Variants in TTLL11 observed in about 807,000 individuals in gnomAD.
The protein encoded by TTLL11 is tubulin tyrosine ligase like 11, also known as tubulin polyglutamylase TTLL11.
TTLL11 carries 42 observed loss-of-function variants against 51.7 expected under a neutral mutation model. That is an observed-to-expected ratio of 0.81 (90% confidence interval 0.64 to 1.05). The LOEUF is 1.05. TTLL11 is among the 50% of genes least tolerant of loss of function. The probability of loss-of-function intolerance (pLI) is 0.00; values close to 1 mark genes in which losing one functional copy is unlikely to be tolerated. For missense variants in TTLL11, 799 were observed against 940.4 expected (o/e 0.85, Z 1.97); for synonymous variants, 381 against 383.5 (o/e 0.99, Z 0.08).
Position 122,058,812 on chromosome 9 carries a change from C to A in TTLL11, c.463-19444G>T, listed in dbSNP as rs534784425. ...CCTCTACTAAGTATTTAAGCAATACCTTTTAATTTACTTAATGAATTCAGA... is the reference window on the plus strand; with the variant it reads ...CCTCTACTAAGTATTTAAGCAATACATTTTAATTTACTTAATGAATTCAGA... On this transcript the variant is annotated intron_variant, in intron 1 of 8. Transcript: ENST00000321582. Among the ~76,000 whole-genome samples, 6 of 152,226 alleles carry A rather than the reference C, an allele frequency of 3.9e-5. No individual in the cohort carries two copies. In the South Asian group the frequency reaches 1.2e-3, roughly 32 times the overall value.
chr9:121,908,074 G>A (rs563628576), intron 6 of TTLL11, among the ~76,000 whole-genome samples: 15 of 152,306 alleles, frequency 9.8e-5, no homozygotes, highest in Non-Finnish European at 1.9e-4. Flanking sequence ...AGAAGGCTAT[G>A]TGGGTTCGAC....
At chr9:121,928,901 G>T (rs988897223) in intron 6 of TTLL11, among the ~76,000 whole-genome samples, 7 of 152,132 alleles carry the variant, frequency 4.6e-5, no homozygotes, top group African/African-American at 9.7e-5. Flanking sequence ...TTCATTTACA[G>T]TCATGATAGA....
At chr9:121,944,318 G>T (rs764193338) in intron 6 of TTLL11, among the ~76,000 whole-genome samples, 1 of 152,098 alleles carries the variant, frequency 6.6e-6, no homozygotes, top group Non-Finnish European at 1.5e-5. Flanking sequence ...GACCAGCCCG[G>T]CCAACATGAC....
At chr9:122,030,335 T>C (rs1321257925) in intron 3 of TTLL11, among the ~76,000 whole-genome samples, 1 of 152,042 alleles carries the variant, frequency 6.6e-6, no homozygotes, top group Non-Finnish European at 1.5e-5. Context: ...GCAATGTATA[T>C]AAACCCATGT....
chr9:121,974,773 T>C, intron 5 of TTLL11, 111 bp downstream of exon 5: 1 of 838,032 alleles, frequency 1.2e-6, no homozygotes, highest in Non-Finnish European at 1.9e-6. Flanking sequence ...GAACAGAATT[T>C]GGCTATGAAA....
At chr9:121,835,301 G>A (rs147432881) in intron 8 of TTLL11, among the ~76,000 whole-genome samples, 1,620 of 152,262 alleles carry the variant, frequency 0.011, 8 homozygotes, top group Non-Finnish European at 0.017. Context: ...GTTAGAGAAA[G>A]TGCTGAGCTC....
chr9:122,090,224 C>A (rs909269105), intron 1 of TTLL11, among the ~76,000 whole-genome samples: 2 of 152,044 alleles, frequency 1.3e-5, no homozygotes, highest in Non-Finnish European at 2.9e-5. Flanking sequence ...GCTCTGTCCA[C>A]CCCTACTTTA....
intron 6 of TTLL11, among the ~76,000 whole-genome samples, chr9:121,962,350 G>A (rs2131628706): frequency 1.3e-5 from 2 of 152,188 alleles, no homozygotes; most frequent in East Asian, 3.9e-4. Context: ...GAACTATGAT[G>A]GGTGGTCCTG....
intron 1 of TTLL11, among the ~76,000 whole-genome samples, chr9:122,076,485 A>G (rs1318257669): frequency 2.0e-5 from 3 of 152,232 alleles, no homozygotes; most frequent in Non-Finnish European, 4.4e-5. Context: ...AATAAAAGGA[A>G]TAAGTCTCTG....
intron 3 of TTLL11, among the ~76,000 whole-genome samples, chr9:122,011,730 T>A (rs114116640): frequency 6.6e-6 from 1 of 152,186 alleles, no homozygotes; most frequent in Non-Finnish European, 1.5e-5. Flanking sequence ...ATGGAGGATA[T>A]GTAGAAATTA....
chr9:122,082,207 T>TA (rs1425055458), intron 1 of TTLL11, among the ~76,000 whole-genome samples: 3 of 152,172 alleles, frequency 2.0e-5, no homozygotes, highest in Non-Finnish European at 4.4e-5. Flanking sequence ...AATACACACT[T>TA]AAAATGTCTG....
At position 121,989,583 on chromosome 9, in the gene TTLL11, A is replaced by G; in HGVS notation, c.881T>C (p.Leu294Pro). 6.2e-7 allele frequency: 1 copy of G among 1,614,022 alleles called. No individual in the cohort carries two copies. The highest frequency in any genetic ancestry group is 8.5e-7 in the Non-Finnish European group (1 of 1,180,014). Residue 294 changes from leucine (L) to proline (P), a missense_variant, in exon 4 of 9, where the codon CTC (leucine) becomes CCC (proline). Coordinates refer to ENST00000321582, the MANE Select transcript of TTLL11 (RefSeq NM_001139442.2). The surrounding 1 kb of genome is among the most constrained non-coding windows in gnomAD (Gnocchi z 4.2). Reference protein sequence around the residue: ...YICKPLLIDKLKFDIRLYVLL... With the variant: ...YICKPLLIDKPKFDIRLYVLL... ...GACATACAGACGAATATCAAACTTG[A>G]GCTTGTCGATAAGGAGAGGTTTGCA...
intron 8 of TTLL11, among the ~76,000 whole-genome samples, chr9:121,828,942 G>A (rs996630837): frequency 6.6e-6 from 1 of 151,924 alleles, no homozygotes; most frequent in Non-Finnish European, 1.5e-5. Context: ...TCCCGCCTGG[G>A]CAACAGACAA....
chr9:121,879,320 T>C (rs926178507), intron 6 of TTLL11, among the ~76,000 whole-genome samples: 2 of 152,284 alleles, frequency 1.3e-5, no homozygotes, highest in African/African-American at 2.4e-5. Context: ...GCTCCTCCAC[T>C]GCTCCTTCTT....
At chr9:121,915,066 G>A (rs560292591) in intron 6 of TTLL11, among the ~76,000 whole-genome samples, 8 of 152,250 alleles carry the variant, frequency 5.3e-5, no homozygotes, top group Non-Finnish European at 7.4e-5. Flanking sequence ...TTTCTGTGAC[G>A]GAAACCTCTC....
intron 6 of TTLL11, among the ~76,000 whole-genome samples, chr9:121,954,227 T>G (rs1841950170): frequency 6.6e-6 from 1 of 152,218 alleles, no homozygotes; most frequent in Non-Finnish European, 1.5e-5. Flanking sequence ...TATTCACTGT[T>G]GTGTTATCAT....
rs1353633350 is a variant in TTLL11, at chr9:121,819,363, G to A, written c.*3224C>T. 6.6e-6 allele frequency: 1 copy of A among 152,382 alleles called. No individual in the cohort carries two copies. The highest frequency in any genetic ancestry group is 2.4e-5 in the African/African-American group (1 of 41,438). The allele number at this position is 152,382 out of a possible 1,614,324, so 9.4% of individuals were successfully genotyped here. ...CTGCCCCGGGGCACACCCAAAGAAAGGGTAGGTGGGCCCAGTTCTGTGGGT... is the reference window on the plus strand; with the variant it reads ...CTGCCCCGGGGCACACCCAAAGAAAAGGTAGGTGGGCCCAGTTCTGTGGGT... On this transcript the variant is annotated 3_prime_UTR_variant, in exon 9 of 9. Transcript: ENST00000321582.
At chr9:121,932,206 CAGCA>C (rs67866219) in intron 6 of TTLL11, among the ~76,000 whole-genome samples, 25,927 of 152,094 alleles carry the variant, frequency 0.17, 2,256 homozygotes, top group Middle Eastern at 0.2. Flanking sequence ...TCCCAGGATG[CAGCA>C]AGAAGCCTGA....
At chr9:121,873,044 A>G (rs1838414000) in intron 6 of TTLL11, among the ~76,000 whole-genome samples, 1 of 152,244 alleles carries the variant, frequency 6.6e-6, no homozygotes. Flanking sequence ...TAGCCCTTAA[A>G]TTACTGGGTA....
Sources: allele counts gnomAD v4.1 joint callset (sites outside exome capture counted in the v4.1 genomes callset), GRCh38; gene constraint gnomAD v4.1.1; non-coding constraint Gnocchi (gnomAD v3.1); transcripts MANE v1.5; gene names NCBI Gene and HGNC (gene_info 2026-07-23, HGNC 2026-07-21).